Variants in URGCP observed in about 807,000 individuals in gnomAD.
The protein encoded by URGCP is up-regulator of cell proliferation.
A neutral mutation model predicts 24.6 loss-of-function variants in URGCP; 13 were observed. That is an observed-to-expected ratio of 0.53 (90% CI 0.34 to 0.84). The LOEUF is 0.84. Among genes scored for constraint, URGCP ranks in the 40% least tolerant of loss-of-function variants. URGCP has a pLI of 0.01. For missense variants in URGCP, 899 were observed against 1,194.3 expected, an observed-to-expected ratio of 0.75 and a Z score of 3.64; for synonymous variants, 444 against 487.2, an observed-to-expected ratio of 0.91 and a Z score of 1.17.
chr7:43,879,255 T>C lies in URGCP; in HGVS notation c.208A>G (p.Arg70Gly). ...AQDNDFPTVE[R>G]SRLQEMLSLL... ...GACAGCATTTCTTGAAGCCTGCTTC[T>C]CTCCACTGTGGAAAGAAATGAAGAC... The change falls in exon 6 of 6, where the codon AGA (arginine) becomes GGA (glycine). Residue 70 changes from arginine to glycine, a missense_variant. Physicochemically the swap from Arg to Gly is moderately radical, Grantham distance 125 (BLOSUM62 -2). Coordinates refer to ENST00000453200, the MANE Select transcript of URGCP (RefSeq NM_001077663.3). 6.2e-7 allele frequency: 1 copy of C among 1,606,486 alleles called. No homozygotes were observed. Among genetic ancestry groups the C allele is most frequent in the Non-Finnish European group, 8.5e-7 (1 of 1,177,746 alleles).
In URGCP at chr7:43,878,621, G is replaced by C. The variant is rs1260994209; in HGVS notation, c.842C>G (p.Ala281Gly). 1.2e-6 allele frequency: 2 copies of C among 1,613,726 alleles called. No homozygotes were observed. The highest frequency in any genetic ancestry group is 2.2e-5 in the South Asian group (2 of 91,086). Residue 281 changes from alanine to glycine, a missense_variant, in exon 6 of 6, where the codon GCC (alanine) becomes GGC (glycine). Transcript: ENST00000453200. This position sits in a 1 kb window ranked among gnomAD's most constrained non-coding sequence, Gnocchi z 5.6. ...CTGCCTGTGGCCCGGGCTGAGGACG[G>C]CGTTGAGAAGCTGGGACTTGGAGTT... ...SSNSKSQLLN[A>G]VLSPGHRQWD...
upstream of URGCP, among the ~76,000 whole-genome samples, chr7:43,908,762 C>T (rs955293306): frequency 6.6e-6 from 1 of 152,162 alleles, no homozygotes; most frequent in African/African-American, 2.4e-5. Flanking sequence ...CCAAGATGGT[C>T]TACAAGCTTC....
chr7:43,896,684 G>A (rs2095878993), intron 1 of URGCP, among the ~76,000 whole-genome samples: 1 of 152,118 alleles, frequency 6.6e-6, no homozygotes, highest in African/African-American at 2.4e-5. Context: ...TTAAGTTGGA[G>A]AGAGAGGGGA....
chr7:43,900,291 C>T (rs900688696), intron 1 of URGCP, among the ~76,000 whole-genome samples: 3 of 150,762 alleles, frequency 2.0e-5, no homozygotes, highest in Admixed American at 2.0e-4. Context: ...CCCATCTCTA[C>T]TAAAAATACA....
chr7:43,889,752 T>C (rs974914735), intron 1 of URGCP: 2 of 152,278 alleles, frequency 1.3e-5, no homozygotes, highest in African/African-American at 4.8e-5. Context: ...TGATGACTAA[T>C]GGCTGTTTAG....
At chr7:43,900,823 AG>A (rs1467492698) in intron 1 of URGCP, among the ~76,000 whole-genome samples, 2 of 152,214 alleles carry the variant, frequency 1.3e-5, no homozygotes, top group Admixed American at 1.3e-4. Context: ...CCATAATTGA[AG>A]GTATCGTCCA....
intron 1 of URGCP, among the ~76,000 whole-genome samples, chr7:43,923,731 C>T (rs1346154356): frequency 6.6e-6 from 1 of 152,130 alleles, no homozygotes; most frequent in Non-Finnish European, 1.5e-5. Context: ...GCATCTTAGA[C>T]TGTACTGAGA....
chr7:43,897,805 G>A (rs2095881562), intron 1 of URGCP, among the ~76,000 whole-genome samples: 1 of 152,106 alleles, frequency 6.6e-6, no homozygotes, highest in Non-Finnish European at 1.5e-5. Flanking sequence ...AATAGTACCA[G>A]CAGCAATGGC....
At chr7:43,883,335 T>C (rs868384145) in intron 3 of URGCP, among the ~76,000 whole-genome samples, 148 of 124,784 alleles carry the variant, frequency 1.2e-3, no homozygotes, top group East Asian at 3.2e-3. Context: ...TATATATATA[T>C]ACATATATAT....
At chr7:43,922,594 C>T (rs2095923646) in intron 1 of URGCP, among the ~76,000 whole-genome samples, 1 of 152,156 alleles carries the variant, frequency 6.6e-6, no homozygotes, top group African/African-American at 2.4e-5. Context: ...GGGTCTTGCT[C>T]TGTTTCCCAG....
At chr7:43,909,723 T>TA (rs969828434), upstream of URGCP, among the ~76,000 whole-genome samples, 3 of 147,376 alleles carry the variant, frequency 2.0e-5, no homozygotes, top group Non-Finnish European at 4.5e-5. Flanking sequence ...AAAATAAAAA[T>TA]AAAAAATAAT....
At position 43,877,170 on chromosome 7, in the gene URGCP, C is replaced by T; in HGVS notation, c.2293G>A (p.Gly765Arg). ...GAAGCCTCCAGCTCAAATCTGTCCC[C>T]AGCTGACGTCAAGGCCCCACCTATC... ...GLIGGALTSA[G>R]DRFELEASLA... Residue 765 changes from glycine (G) to arginine (R), a missense_variant, in exon 6 of 6, where the codon GGG becomes AGG. Physicochemically the swap from Gly to Arg is moderately radical, Grantham distance 125 (BLOSUM62 -2). Coordinates refer to ENST00000453200, the MANE Select transcript of URGCP (RefSeq NM_001077663.3). 1.9e-6 allele frequency: 3 copies of T among 1,614,218 alleles called. No individual in the cohort carries two copies. Among genetic ancestry groups the T allele is most frequent in the Non-Finnish European group, 2.5e-6 (3 of 1,180,038 alleles).
chr7:43,896,453 T>C (rs2095878613), intron 1 of URGCP, among the ~76,000 whole-genome samples: 2 of 100,436 alleles, frequency 2.0e-5, no homozygotes, highest in African/African-American at 4.1e-5. Context: ...AGACTCTGTC[T>C]CAAAAAAAAA....
chr7:43,898,478 C>T (rs1199943079), intron 1 of URGCP, among the ~76,000 whole-genome samples: 1 of 152,188 alleles, frequency 6.6e-6, no homozygotes, highest in Non-Finnish European at 1.5e-5. Flanking sequence ...AAGGGCTGGG[C>T]ACAGTGGCTC....
upstream of URGCP, among the ~76,000 whole-genome samples, chr7:43,907,313 T>C (rs888281924): frequency 1.3e-5 from 2 of 152,126 alleles, no homozygotes; most frequent in African/African-American, 4.8e-5. Context: ...ATGTAAACCA[T>C]TGTTGATAAC....
chr7:43,877,051 C>T lies in URGCP; in HGVS notation c.2412G>A (p.Leu804=). 6.2e-7 allele frequency: 1 copy of T among 1,614,210 alleles called. No individual in the cohort carries two copies. The highest frequency in any genetic ancestry group is 8.5e-7 in the Non-Finnish European group (1 of 1,180,034). ...DIPAAILHAF[L]RLEKTGHMPN... Reference sequence around the variant, plus strand: ...GCATGTGCCCCGTTTTTTCTAACCTCAGAAATGCATGCAGAATAGCTGCTG... The same window carrying T: ...GCATGTGCCCCGTTTTTTCTAACCTTAGAAATGCATGCAGAATAGCTGCTG... Residue 804 remains leucine, a synonymous_variant, in exon 6 of 6, where the codon CTG becomes CTA. Coordinates refer to ENST00000453200, the MANE Select transcript of URGCP (RefSeq NM_001077663.3).
intron 3 of URGCP, among the ~76,000 whole-genome samples, chr7:43,886,375 CT>C (rs1016051163): frequency 8.4e-4 from 125 of 149,156 alleles, no homozygotes; most frequent in Admixed American, 1.8e-3. Flanking sequence ...CAATAGAACA[CT>C]TTTTTTTTTG....
chr7:43,879,163 A>C lies in URGCP; in HGVS notation c.300T>G (p.Phe100Leu). 1 of 1,614,144 alleles carries C rather than the reference A, an allele frequency of 6.2e-7. No individual in the cohort carries two copies. Among genetic ancestry groups the C allele is most frequent in the Non-Finnish European group, 8.5e-7 (1 of 1,180,036 alleles). ...LSLQDSLQIS[F>L]DSMKNWAPQV... ...GAGGGGCCCAGTTCTTCATACTGTCAAAACTGATCTGCAGAGAGTCCTGGA... is the reference window on the plus strand; with the variant it reads ...GAGGGGCCCAGTTCTTCATACTGTCCAAACTGATCTGCAGAGAGTCCTGGA... Residue 100 changes from phenylalanine to leucine, a missense_variant, in exon 6 of 6, where the codon TTT (phenylalanine) becomes TTG (leucine). Phe to Leu is a conservative substitution (Grantham distance 22). Coordinates refer to ENST00000453200, the MANE Select transcript of URGCP (RefSeq NM_001077663.3).
rs776206098 is a variant in URGCP, at chr7:43,878,558, G to A, written c.905C>T (p.Thr302Ile). ...CCCATCCGAAATCTCCCGGGCATTG[G>A]TGCCCAAGTTGAGGTCCCGATGCCA... Reference protein sequence around the residue: ...CFWHRDLNLGTNAREISDGLV... With the variant: ...CFWHRDLNLGINAREISDGLV... The change falls in exon 6 of 6, where the codon ACC (threonine) becomes ATC (isoleucine). Residue 302 changes from threonine (T) to isoleucine (I), a missense_variant. Physicochemically the swap from Thr to Ile is moderately conservative, Grantham distance 89. Coordinates refer to ENST00000453200, the MANE Select transcript of URGCP (RefSeq NM_001077663.3). This position sits in a 1 kb window ranked among gnomAD's most constrained non-coding sequence, Gnocchi z 5.6. The A allele has an allele frequency of 4.3e-6, 7 of 1,614,200 alleles. No homozygotes were observed. The highest frequency in any genetic ancestry group is 5.1e-6 in the Non-Finnish European group (6 of 1,180,044).
Sources: gnomAD v4.1 joint callset for allele counts (sites outside exome capture counted in the v4.1 genomes callset) on GRCh38, gnomAD v4.1.1 for gene constraint, Gnocchi (gnomAD v3.1) non-coding constraint, MANE v1.5 for transcripts, NCBI Gene and HGNC (gene_info 2026-07-23, HGNC 2026-07-21) for gene names.